The following NALF1 variants were observed in gnomAD, a reference collection of about 807,000 sequenced individuals.
NALF1 encodes family with sequence similarity 155 member A.
NALF1 carries 3 observed loss-of-function variants against 48.4 expected under a neutral mutation model. That is an observed-to-expected ratio of 0.06 (90% CI 0.03 to 0.16). The LOEUF (loss-of-function observed/expected upper bound fraction) is 0.16. NALF1 is among the 10% of genes least tolerant of loss of function. The pLI is 1.00. For synonymous variants in NALF1, 262 were observed against 245.7 expected (o/e 1.07, Z -0.62); for missense variants, 526 against 571.5 (o/e 0.92, Z 0.81).
chr13:107,850,991 C>T (rs1880299366), intron 1 of NALF1, among the ~76,000 whole-genome samples: 2 of 152,124 alleles, frequency 1.3e-5, no homozygotes, highest in African/African-American at 4.8e-5. Context: ...GGTGATTTGT[C>T]GGAGGTTATA....
intron 1 of NALF1, among the ~76,000 whole-genome samples, chr13:107,581,573 G>A (rs1878311423): frequency 6.6e-6 from 1 of 152,024 alleles, no homozygotes; most frequent in Non-Finnish European, 1.5e-5. Flanking sequence ...AAGAGAGAAG[G>A]ATCCAAATTA....
intron 1 of NALF1, among the ~76,000 whole-genome samples, chr13:107,596,343 A>G (rs951236579): frequency 2.0e-5 from 3 of 152,210 alleles, no homozygotes; most frequent in African/African-American, 7.2e-5. Flanking sequence ...AGGATTATAA[A>G]TAATTCCACT....
intron 1 of NALF1, among the ~76,000 whole-genome samples, chr13:107,838,230 C>T (rs889663699): frequency 2.6e-5 from 4 of 151,940 alleles, no homozygotes; most frequent in Non-Finnish European, 5.9e-5. Flanking sequence ...TCATCGGCAC[C>T]TGGGGGATTG....
chr13:107,408,257 A>C (rs1372089602), intron 1 of NALF1, among the ~76,000 whole-genome samples: 1 of 152,062 alleles, frequency 6.6e-6, no homozygotes, highest in Non-Finnish European at 1.5e-5. Context: ...TTTAAAATAG[A>C]TTTTAAAATA....
At chr13:107,545,735 G>A (rs1046027620) in intron 1 of NALF1, among the ~76,000 whole-genome samples, 5 of 152,238 alleles carry the variant, frequency 3.3e-5, no homozygotes, top group Non-Finnish European at 7.4e-5. Flanking sequence ...AATGTGGGCA[G>A]TGTGGGGTGG....
intron 1 of NALF1, among the ~76,000 whole-genome samples, chr13:107,474,894 C>T (rs183786801): frequency 6.4e-4 from 98 of 152,164 alleles, no homozygotes; most frequent in Middle Eastern, 3.4e-3. Flanking sequence ...TGGTCATATG[C>T]TTTCCTTCTT....
intron 1 of NALF1, among the ~76,000 whole-genome samples, chr13:107,588,368 T>C (rs755397846): frequency 6.6e-6 from 1 of 152,048 alleles, no homozygotes; most frequent in Non-Finnish European, 1.5e-5. Flanking sequence ...AGCTGAGAAA[T>C]GAGACTGTGA....
At chr13:107,613,627 T>A (rs1021857054) in intron 1 of NALF1, among the ~76,000 whole-genome samples, 2 of 152,222 alleles carry the variant, frequency 1.3e-5, no homozygotes, top group Non-Finnish European at 2.9e-5. Flanking sequence ...TCCAGCCACA[T>A]CAGAAAAACA....
At chr13:107,694,557 A>C (rs1397343093) in intron 1 of NALF1, among the ~76,000 whole-genome samples, 1 of 152,168 alleles carries the variant, frequency 6.6e-6, no homozygotes, top group South Asian at 2.1e-4. Flanking sequence ...ACCCCACAAA[A>C]AAGTATTTAG....
chr13:107,854,357 G>A (rs894072010), intron 1 of NALF1, among the ~76,000 whole-genome samples: 1 of 152,196 alleles, frequency 6.6e-6, no homozygotes, highest in Admixed American at 6.5e-5. Context: ...CTGGACTGTG[G>A]CATGAGGCCA....
chr13:107,310,026 T>C (rs1034657362), intron 1 of NALF1, among the ~76,000 whole-genome samples: 5 of 152,178 alleles, frequency 3.3e-5, no homozygotes, highest in Non-Finnish European at 5.9e-5. Flanking sequence ...GCGCTACCAA[T>C]AAGTTGGTAT....
At chr13:107,686,400 A>G (rs12875550) in intron 1 of NALF1, among the ~76,000 whole-genome samples, 2 of 89,574 alleles carry the variant, frequency 2.2e-5, no homozygotes, top group African/African-American at 7.7e-5. Context: ...TATTATTATT[A>G]TTGTTATTAT....
In NALF1 at chr13:107,773,133, T is replaced by C. The variant is rs554054386; in HGVS notation, c.915+92549A>G. Among the ~76,000 whole-genome samples, 6 of 152,312 alleles carry C rather than the reference T, an allele frequency of 3.9e-5. No homozygotes were observed. In the South Asian group the frequency reaches 1.2e-3, roughly 32 times the overall value. The stretch of plus-strand genomic sequence containing the variant: ...AAGATGAAACAAAGTACTACTAAGG[T>C]AAGCAGTATATTGGCCATGTGTTGT... On this transcript the variant is annotated intron_variant, in intron 1 of 2. Coordinates refer to ENST00000375915, the MANE Select transcript of NALF1 (RefSeq NM_001080396.3).
chr13:107,207,128 G>A (rs1879660398), intron 2 of NALF1, among the ~76,000 whole-genome samples: 1 of 152,058 alleles, frequency 6.6e-6, no homozygotes, highest in African/African-American at 2.4e-5. Flanking sequence ...TTTTGATGAA[G>A]TTACTGCATT....
At chr13:107,265,059 G>A (rs1480379344) in intron 1 of NALF1, among the ~76,000 whole-genome samples, 2 of 152,208 alleles carry the variant, frequency 1.3e-5, no homozygotes. Context: ...ACACCTTTAT[G>A]AAAGCTAGAT....
chr13:107,404,449 C>T (rs1017227507), intron 1 of NALF1, among the ~76,000 whole-genome samples: 13 of 151,970 alleles, frequency 8.6e-5, no homozygotes, highest in African/African-American at 2.7e-4. Flanking sequence ...GTAATGGTCA[C>T]ACAAACCACT....
intron 1 of NALF1, among the ~76,000 whole-genome samples, chr13:107,759,793 A>C (rs1164379318): frequency 6.6e-6 from 1 of 151,070 alleles, no homozygotes; most frequent in African/African-American, 2.4e-5. Context: ...GGACTTAGTT[A>C]ATTGAAATTG....
At chr13:107,453,806 CTT>C (rs1174009111) in intron 1 of NALF1, among the ~76,000 whole-genome samples, 1 of 152,204 alleles carries the variant, frequency 6.6e-6, no homozygotes, top group East Asian at 1.9e-4. Context: ...CAAACCCTCT[CTT>C]TGTGAATGCA....
chr13:107,312,230 T>A (rs1882060358), intron 1 of NALF1, among the ~76,000 whole-genome samples: 4 of 152,144 alleles, frequency 2.6e-5, no homozygotes, highest in African/African-American at 7.2e-5. Flanking sequence ...CACCATGGAA[T>A]ACTATGCAGC....
Sources: gnomAD v4.1 joint callset for allele counts (sites outside exome capture counted in the v4.1 genomes callset) on GRCh38, gnomAD v4.1.1 for gene constraint, MANE v1.5 for transcripts, NCBI Gene and HGNC (gene_info 2026-07-23, HGNC 2026-07-21) for gene names.